Variants in SIN3B observed in about 807,000 individuals in gnomAD.
SIN3B encodes SIN3 transcription regulator family member B.
In SIN3B, 19 loss-of-function variants were observed where a neutral mutation model predicts 120.2. The observed-to-expected ratio is 0.16, with a 90% CI of 0.11 to 0.23. The LOEUF (loss-of-function observed/expected upper bound fraction) is 0.23. Among genes scored for constraint, SIN3B ranks in the 10% least tolerant of loss-of-function variants. The probability of loss-of-function intolerance (pLI) is 1.00; values close to 1 mark genes in which losing one functional copy is unlikely to be tolerated. For missense variants in SIN3B, 1,073 were observed against 1,573.0 expected, an observed-to-expected ratio of 0.68 and a Z score of 5.38; for synonymous variants, 654 against 653.2, an observed-to-expected ratio of 1.00 and a Z score of -0.02.
At chr19:16,849,358 T>C (rs1056040070) in intron 5 of SIN3B, among the ~76,000 whole-genome samples, 1 of 152,214 alleles carries the variant, frequency 6.6e-6, no homozygotes, top group African/African-American at 2.4e-5. Flanking sequence ...TCATGGAATA[T>C]GTATGTCAAT....
At chr19:16,840,633 G>A (rs575032406) in intron 3 of SIN3B, among the ~76,000 whole-genome samples, 2 of 152,300 alleles carry the variant, frequency 1.3e-5, no homozygotes, top group African/African-American at 4.8e-5. Flanking sequence ...GATTTTCAGG[G>A]TCAGCGTTTG....
chr19:16,844,987 C>T (rs892117457), intron 4 of SIN3B, among the ~76,000 whole-genome samples: 33 of 152,212 alleles, frequency 2.2e-4, no homozygotes, highest in Non-Finnish European at 2.1e-4. Flanking sequence ...CCACGGGGTT[C>T]TGGTCAGCCG....
chr19:16,841,719 A>G (rs1436008592), intron 3 of SIN3B, 49 bp from the exon 4 acceptor site: 3 of 1,559,224 alleles, frequency 1.9e-6, no homozygotes, highest in East Asian at 2.2e-5. Context: ...GTTTTTCACA[A>G]TCTGTTTCCA....
chr19:16,857,765 A>C (rs1381999513), intron 8 of SIN3B, among the ~76,000 whole-genome samples: 2 of 152,176 alleles, frequency 1.3e-5, no homozygotes, highest in Non-Finnish European at 2.9e-5. Context: ...CGCCACCTGC[A>C]CTAATGACGG....
intron 4 of SIN3B, 58 bp downstream of exon 4, chr19:16,842,026 T>G: frequency 4.6e-6 from 6 of 1,290,382 alleles, no homozygotes; most frequent in Non-Finnish European, 6.7e-6. Context: ...TTTGGGGCCC[T>G]GCAGATATTC....
chr19:16,834,763 TGA>T (rs1402438723), intron 3 of SIN3B, among the ~76,000 whole-genome samples: 1 of 152,042 alleles, frequency 6.6e-6, no homozygotes, highest in East Asian at 1.9e-4. Flanking sequence ...GACAGAAACA[TGA>T]GAGATATCCC....
chr19:16,845,118 G>A (rs373021447), intron 4 of SIN3B, among the ~76,000 whole-genome samples: 22 of 152,170 alleles, frequency 1.4e-4, no homozygotes, highest in Non-Finnish European at 2.8e-4. Flanking sequence ...CAGACATCTT[G>A]TTCAAAATAA....
intron 14 of SIN3B, among the ~76,000 whole-genome samples, chr19:16,873,508 G>GGCA (rs2051539620): frequency 6.7e-6 from 1 of 148,876 alleles, no homozygotes; most frequent in South Asian, 2.1e-4. Flanking sequence ...CCAGGGGGCT[G>GGCA]GCAGTCTGTC....
chr19:16,856,702 GCTGGGATTA>G, intron 8 of SIN3B, among the ~76,000 whole-genome samples: 1 of 152,050 alleles, frequency 6.6e-6, no homozygotes, highest in South Asian at 2.1e-4. Flanking sequence ...CTCCTGAGTA[GCTGGGATTA>G]CAGATGTGTG....
Position 16,878,302 on chromosome 19 carries a change from G to A in SIN3B, c.3074G>A (p.Arg1025His), listed in dbSNP as rs759029016. 48 of 1,610,626 alleles carry A rather than the reference G, an allele frequency of 3.0e-5. No homozygotes were observed. The highest frequency in any genetic ancestry group is 6.7e-5 in the East Asian group (3 of 44,772). The change falls in exon 18 of 19, where the codon CGC (arginine) becomes CAC (histidine). Residue 1025 changes from arginine (R) to histidine (H), a missense_variant. By Grantham distance (29) the Arg-to-His change is conservative (BLOSUM62 0). Coordinates refer to ENST00000248054, the MANE Select transcript of SIN3B (RefSeq NM_001297595.2). The stretch of plus-strand genomic sequence containing the variant: ...GAGAGCGCCTGCGACGTGGACTGCC[G>A]CTTCAAGCTCAGCACTCACAAGATG... Reference protein sequence around the residue: ...GVESACDVDCRFKLSTHKMVF... With the variant: ...GVESACDVDCHFKLSTHKMVF...
In SIN3B at chr19:16,876,045, C is replaced by T; in HGVS notation, c.2593-10C>T. The T allele has an allele frequency of 6.5e-7, 1 of 1,543,192 alleles. No homozygotes were observed. Among genetic ancestry groups the T allele is most frequent in the Non-Finnish European group, 8.8e-7 (1 of 1,141,364 alleles). ...CGGGGTGGCCGCACCACCTGCTTTCCTCCCGCCAGCTGCACCACCTCGTGA... is the reference window on the plus strand; with the variant it reads ...CGGGGTGGCCGCACCACCTGCTTTCTTCCCGCCAGCTGCACCACCTCGTGA... On this transcript the variant is annotated splice_polypyrimidine_tract_variant and intron_variant, in intron 14 of 18. Coordinates refer to ENST00000248054, the MANE Select transcript of SIN3B (RefSeq NM_001297595.2). The surrounding 1 kb of genome is among the most constrained non-coding windows in gnomAD (Gnocchi z 7.1).
In SIN3B at chr19:16,866,387, A is replaced by G; in HGVS notation, c.1637A>G (p.Glu546Gly). 1 of 1,612,668 alleles carries G rather than the reference A, an allele frequency of 6.2e-7. No homozygotes were observed. Among genetic ancestry groups the G allele is most frequent in the South Asian group, 1.1e-5 (1 of 91,018 alleles). Residue 546 changes from glutamate (E) to glycine (G), a missense_variant, in exon 12 of 19, where the codon GAA (glutamate) becomes GGA (glycine). Coordinates refer to ENST00000248054, the MANE Select transcript of SIN3B (RefSeq NM_001297595.2). The stretch of plus-strand genomic sequence containing the variant: ...TCCCCCCGCAGACTGAAGGCCAAGG[A>G]AGAGGAGTGGCGGGAGGCCCAGCAG... ...PVVLKRLKAK[E>G]EEWREAQQGF...
chr19:16,865,443 A>G lies in SIN3B; in HGVS notation c.1417A>G (p.Ile473Val), dbSNP rs371214693. 8.1e-6 allele frequency: 13 copies of G among 1,607,256 alleles called. No individual in the cohort carries two copies. Among genetic ancestry groups the G allele is most frequent in the African/African-American group, 4.0e-5 (3 of 74,088 alleles). Residue 473 changes from isoleucine (I) to valine (V), a missense_variant, in exon 11 of 19, where the codon ATC becomes GTC. Ile to Val is a conservative substitution (Grantham distance 29). Transcript: ENST00000248054. ...TGTCCTGGAGACGAACCTGGCCACA[A>G]TCCGTGTGTTGGAAAGTGTGCAGAA... ...DVVLETNLAT[I>V]RVLESVQKKL...
intron 3 of SIN3B, among the ~76,000 whole-genome samples, chr19:16,833,867 G>A (rs1418900209): frequency 6.6e-6 from 1 of 151,622 alleles, no homozygotes; most frequent in East Asian, 2.0e-4. Context: ...GGGATTACAG[G>A]CACGCTTCAT....
intron 10 of SIN3B, 90 bp from the exon 11 acceptor site, chr19:16,865,320 A>T: frequency 2.1e-6 from 1 of 475,804 alleles, no homozygotes; most frequent in Non-Finnish European, 3.9e-6. Context: ...CCCCCCCAAA[A>T]AAATCCTCTG....
At chr19:16,870,621 C>T (rs1340438286) in intron 13 of SIN3B, among the ~76,000 whole-genome samples, 6 of 152,146 alleles carry the variant, frequency 3.9e-5, no homozygotes, top group South Asian at 2.1e-4. Context: ...GGCATGATCT[C>T]GGCTCACTGC....
chr19:16,877,867 G>A (rs542404553), intron 17 of SIN3B, among the ~76,000 whole-genome samples: 57 of 152,310 alleles, frequency 3.7e-4, no homozygotes, highest in African/African-American at 1.3e-3. Context: ...CCCACGATGC[G>A]TCAGTGGGTG....
intron 12 of SIN3B, among the ~76,000 whole-genome samples, chr19:16,868,447 G>T (rs1971808706): frequency 6.6e-6 from 1 of 152,228 alleles, no homozygotes; most frequent in Non-Finnish European, 1.5e-5. Context: ...GGTTGGGGCT[G>T]CCCAGCAGAG....
Position 16,865,524 on chromosome 19 carries a change from C to G in SIN3B, c.1498C>G (p.Leu500Val). 6.2e-7 allele frequency: 1 copy of G among 1,613,814 alleles called. No homozygotes were observed. Among genetic ancestry groups the G allele is most frequent in the Non-Finnish European group, 8.5e-7 (1 of 1,179,828 alleles). ...DQEKFRLDDS[L>V]GGTSEVIQRR... ...GGAGAAGTTCCGGCTGGACGACTCC[C>G]TGGGAGGCACGTCGGAGGTGATCCA... The change falls in exon 11 of 19, where the codon CTG (leucine) becomes GTG (valine). Residue 500 changes from leucine to valine, a missense_variant. Around this residue, in one of 7 missense-constraint regions of SIN3B, gnomAD observed 118 missense variants for 281.6 expected, o/e 0.42. Coordinates refer to ENST00000248054, the MANE Select transcript of SIN3B (RefSeq NM_001297595.2).
Sources: gnomAD v4.1 joint callset for allele counts (sites outside exome capture counted in the v4.1 genomes callset) on GRCh38, gnomAD v4.1.1 for gene constraint, gnomAD v4.1.1 regional missense constraint, Gnocchi (gnomAD v3.1) non-coding constraint, MANE v1.5 for transcripts, NCBI Gene and HGNC (gene_info 2026-07-23, HGNC 2026-07-21) for gene names.